The following MYBPC1 variants were observed in gnomAD, a reference collection of about 807,000 sequenced individuals.
MYBPC1 encodes the protein myosin-binding protein C, slow-type.
MYBPC1 carries 52 observed loss-of-function variants against 147.1 expected under a neutral mutation model. The observed-to-expected ratio is 0.35, with a 90% CI of 0.28 to 0.45. The LOEUF (loss-of-function observed/expected upper bound fraction) is 0.45, where lower values mean the gene tolerates loss of function less well. Among genes scored for constraint, MYBPC1 ranks in the 20% least tolerant of loss-of-function variants. The pLI is 1.00. For missense variants in MYBPC1, 1,228 were observed against 1,440.3 expected (o/e 0.85, Z 2.39); for synonymous variants, 477 against 475.9 (o/e 1.00, Z -0.03).
At chr12:101,677,145 A>G in intron 26 of MYBPC1, 90 bp from the exon 27 acceptor site, 1 of 1,305,006 alleles carries the variant, frequency 7.7e-7, no homozygotes, top group Non-Finnish European at 1.1e-6. Flanking sequence ...TTGTTAATAA[A>G]GCATCCTTGT....
chr12:101,608,662 G>A (rs1883159306), intron 1 of MYBPC1, among the ~76,000 whole-genome samples: 1 of 152,202 alleles, frequency 6.6e-6, no homozygotes, highest in African/African-American at 2.4e-5. Context: ...AGAAACTGGT[G>A]GGACAGGTTC....
intron 10 of MYBPC1, among the ~76,000 whole-genome samples, chr12:101,640,789 C>T (rs1466252556): frequency 6.6e-6 from 1 of 152,110 alleles, no homozygotes; most frequent in Non-Finnish European, 1.5e-5. Flanking sequence ...ATATTTTATC[C>T]ATGATTACAA....
At chr12:101,641,891 G>T (rs1156634520) in intron 10 of MYBPC1, among the ~76,000 whole-genome samples, 1 of 151,750 alleles carries the variant, frequency 6.6e-6, no homozygotes, top group Non-Finnish European at 1.5e-5. Flanking sequence ...TAATATGGTA[G>T]GGAAAATGCT....
chr12:101,636,526 C>A, intron 9 of MYBPC1, 146 bp from the exon 10 acceptor site: 1 of 716,092 alleles, frequency 1.4e-6, no homozygotes, highest in Non-Finnish European at 2.6e-6. Context: ...CTTAACATGT[C>A]ACTTGTGTGA....
chr12:101,685,118 G>T (rs1430371304), intron 31 of MYBPC1, among the ~76,000 whole-genome samples: 1 of 152,134 alleles, frequency 6.6e-6, no homozygotes, highest in Non-Finnish European at 1.5e-5. Flanking sequence ...AAAGGGAGTA[G>T]TTTTTATCTT....
intron 1 of MYBPC1, among the ~76,000 whole-genome samples, chr12:101,595,826 CA>C (rs535225785): frequency 6.6e-6 from 1 of 152,098 alleles, no homozygotes; most frequent in South Asian, 2.1e-4. Context: ...TTTTCCCTAA[CA>C]AAGTTTCTCC....
chr12:101,617,423 T>C (rs543499217), intron 3 of MYBPC1, among the ~76,000 whole-genome samples, 180 bp downstream of exon 3: 2 of 152,320 alleles, frequency 1.3e-5, no homozygotes, highest in South Asian at 4.1e-4. Context: ...TAAGTTTCCA[T>C]TACATGTATT....
intron 1 of MYBPC1, among the ~76,000 whole-genome samples, chr12:101,601,934 T>C (rs1217537786): frequency 6.6e-6 from 1 of 152,234 alleles, no homozygotes; most frequent in African/African-American, 2.4e-5. Flanking sequence ...TTTGTCATGT[T>C]TAGAGTTAGA....
At chr12:101,649,641 A>G (rs1268938146) in intron 15 of MYBPC1, among the ~76,000 whole-genome samples, 1 of 152,220 alleles carries the variant, frequency 6.6e-6, no homozygotes, top group Non-Finnish European at 1.5e-5. Context: ...AATATTAGGA[A>G]GGAAGTATAA....
intron 24 of MYBPC1, among the ~76,000 whole-genome samples, chr12:101,672,107 C>T (rs1164099040): frequency 2.0e-5 from 3 of 152,292 alleles, no homozygotes; most frequent in Middle Eastern, 3.4e-3. Flanking sequence ...TTAGAGAACC[C>T]ACATTTTTCC....
rs566856321 is a variant in MYBPC1 at position 101,680,724 on chromosome 12, C to T, written c.3433+195C>T. On this transcript the variant is annotated intron_variant, in intron 29 of 31. Coordinates refer to ENST00000361466, the MANE Select transcript of MYBPC1 (RefSeq NM_002465.4). ...ATTTTTACATCCTGCATTCACTTCA[C>T]TTTATTTGTGGAAGGCTACTTGTTA... Among the ~76,000 whole-genome samples, 6 of 152,274 alleles carry T rather than the reference C, an allele frequency of 3.9e-5. No individual in the cohort carries two copies. The South Asian group carries it at 8.3e-4, about 21-fold the overall frequency.
intron 12 of MYBPC1, among the ~76,000 whole-genome samples, chr12:101,645,501 A>G (rs1325719676): frequency 6.6e-6 from 1 of 152,216 alleles, no homozygotes; most frequent in East Asian, 1.9e-4. Flanking sequence ...ACATTTATAA[A>G]AGATGTTAAT....
intron 1 of MYBPC1, among the ~76,000 whole-genome samples, chr12:101,613,035 T>C (rs1194763581): frequency 6.6e-6 from 1 of 152,238 alleles, no homozygotes; most frequent in Non-Finnish European, 1.5e-5. Flanking sequence ...TTTTTGTCTT[T>C]TGGTTATATA....
chr12:101,658,452 A>G (rs2136393508), intron 18 of MYBPC1, among the ~76,000 whole-genome samples: 1 of 152,324 alleles, frequency 6.6e-6, no homozygotes, highest in East Asian at 1.9e-4. Context: ...TAACAGTGAG[A>G]AACTTGACGC....
rs78876201 is a variant in MYBPC1, at chr12:101,663,649, G to A, written c.2356+89G>A. ...TCTTTTGTCTCTCTTTCTTGAGAAC[G>A]CATCACCTTCCTACGAAAATAAGAT... is the stretch of plus-strand genomic sequence containing the variant. On this transcript the variant is annotated intron_variant, in intron 22 of 31. Coordinates refer to ENST00000361466, the MANE Select transcript of MYBPC1 (RefSeq NM_002465.4). 0.016 allele frequency: 23,091 copies of A among 1,405,336 alleles called. 234 individuals are homozygous for A. The highest frequency in any genetic ancestry group is 0.019 in the Non-Finnish European group (19,304 of 1,013,514). 87.1% of individuals were successfully genotyped at this position (1,405,336 alleles called of 1,614,324 possible). A position where few individuals can be genotyped will look rare whatever the true frequency, so the allele number is the denominator to read the frequency against.
At chr12:101,628,027 G>A (rs1255249976) in intron 5 of MYBPC1, 4 of 518,828 alleles carry the variant, frequency 7.7e-6, no homozygotes, top group Non-Finnish European at 1.4e-5. Context: ...AATACCACAG[G>A]TTTGTTCTAT....
intron 1 of MYBPC1, among the ~76,000 whole-genome samples, chr12:101,606,158 A>C (rs1490824600): frequency 1.3e-5 from 2 of 150,614 alleles, no homozygotes; most frequent in African/African-American, 4.9e-5. Context: ...ACGCCACTGC[A>C]CTCCAGCCTG....
At chr12:101,651,151 C>A in intron 15 of MYBPC1, 80 bp from the exon 16 acceptor site, 1 of 1,467,120 alleles carries the variant, frequency 6.8e-7, no homozygotes, top group Non-Finnish European at 9.6e-7. Flanking sequence ...GTAGAGCTCA[C>A]TATACCATTG....
intron 29 of MYBPC1, 62 bp from the exon 30 acceptor site, chr12:101,682,542 A>G: frequency 2.7e-6 from 4 of 1,500,684 alleles, no homozygotes; most frequent in Non-Finnish European, 3.7e-6. Flanking sequence ...TGAGTTGTGA[A>G]AAAAGGTAAG....
Sources: gnomAD v4.1 joint callset for allele counts (sites outside exome capture counted in the v4.1 genomes callset) on GRCh38, gnomAD v4.1.1 for gene constraint, MANE v1.5 for transcripts, NCBI Gene and HGNC (gene_info 2026-07-23, HGNC 2026-07-21) for gene names.